The following JCAD variants were observed in gnomAD, a reference collection of about 807,000 sequenced individuals.
The protein encoded by JCAD is junctional cadherin 5-associated protein.
JCAD carries 40 observed loss-of-function variants against 98.0 expected under a neutral mutation model. The ratio of observed to expected loss-of-function variants is 0.41; its 90% CI spans 0.32 to 0.53. The LOEUF is 0.53. Ranked by LOEUF, JCAD falls within the 20% of genes least tolerant of loss-of-function variation. The pLI, the probability that JCAD is intolerant of heterozygous loss-of-function variation, is 0.31. For missense variants in JCAD, 1,705 were observed against 1,738.1 expected, an observed-to-expected ratio of 0.98 and a Z score of 0.34; for synonymous variants, 691 against 682.3, an observed-to-expected ratio of 1.01 and a Z score of -0.20.
rs201309511 is a variant in JCAD, at chr10:30,084,027, A to AAG, written n.129-14208_129-14207dup. On this transcript the variant is annotated intron_variant and non_coding_transcript_variant, in intron 1 of 2. Transcript: ENST00000465712. ...ACAGAGTGAATGAAAAAAAGAAAGA[A>AAG]AGAGAGAGAGAGAGAAAGGGAGAAA... Among the ~76,000 whole-genome samples, 650 of 151,344 alleles carry AAG rather than the reference A, an allele frequency of 4.3e-3. 4 individuals are homozygous for AAG. The highest frequency in any genetic ancestry group is 0.015 in the African/African-American group (616 of 41,268).
intron 3 of JCAD, among the ~76,000 whole-genome samples, chr10:30,020,140 G>A (rs539491715): frequency 1.3e-5 from 2 of 151,680 alleles, no homozygotes; most frequent in African/African-American, 4.8e-5. Flanking sequence ...CAGCCTGGCC[G>A]ACATGGCGAA....
In JCAD at chr10:30,028,499, C is replaced by G; in HGVS notation, c.1649G>C (p.Ser550Thr). ...QVSSPYSQGE[S>T]TCETQTKLKK... The stretch of plus-strand genomic sequence containing the variant: ...GAGCTTGGTTTGAGTTTCGCAGGTG[C>G]TCTCGCCCTGTGAGTAAGGGGAGGA... The change falls in exon 3 of 4, where the codon AGC becomes ACC. Residue 550 changes from serine to threonine, a missense_variant. Ser to Thr is a moderately conservative substitution (Grantham distance 58). This residue lies in a region of JCAD where 1,278 missense variants were observed against 1,243.1 expected (regional missense o/e 1.03). Coordinates refer to ENST00000375377, the MANE Select transcript of JCAD (RefSeq NM_020848.4). 1 of 1,614,232 alleles carries G rather than the reference C, an allele frequency of 6.2e-7. No homozygotes were observed. The highest frequency in any genetic ancestry group is 8.5e-7 in the Non-Finnish European group (1 of 1,180,040).
chr10:30,035,630 T>C (rs974546656), intron 2 of JCAD, among the ~76,000 whole-genome samples: 1 of 152,238 alleles, frequency 6.6e-6, no homozygotes, highest in African/African-American at 2.4e-5. Flanking sequence ...AAGCCAAAAA[T>C]ATATTTTCTG....
At chr10:30,030,812 A>C (rs1836974677) in intron 2 of JCAD, among the ~76,000 whole-genome samples, 1 of 151,874 alleles carries the variant, frequency 6.6e-6, no homozygotes, top group South Asian at 2.1e-4. Context: ...CCCTGACTGC[A>C]CATTAGAATC....
Position 30,017,071 on chromosome 10 carries a change from C to T in JCAD, c.*812G>A, listed in dbSNP as rs963730586. 6.6e-6 allele frequency: 1 copy of T among 151,932 alleles called. No homozygotes were observed. Among genetic ancestry groups the T allele is most frequent in the Non-Finnish European group, 1.5e-5 (1 of 67,990 alleles). The allele number at this position is 151,932 out of a possible 1,614,324, so 9.4% of individuals were successfully genotyped here. On this transcript the variant is annotated 3_prime_UTR_variant, in exon 4 of 4. Transcript: ENST00000375377. The stretch of plus-strand genomic sequence containing the variant: ...TTACATCATAGAAAAATAGCATTTT[C>T]GTAAAAAGAAATATAGTCACTTTGT...
At chr10:30,021,301 T>C (rs1836655749) in intron 3 of JCAD, among the ~76,000 whole-genome samples, 1 of 152,232 alleles carries the variant, frequency 6.6e-6, no homozygotes, top group African/African-American at 2.4e-5. Context: ...TGGACTGAAG[T>C]GATCCTCCTC....
chr10:30,060,124 C>T (rs550817523), upstream of JCAD, among the ~76,000 whole-genome samples: 1 of 152,118 alleles, frequency 6.6e-6, no homozygotes, highest in Non-Finnish European at 1.5e-5. Context: ...CACACACACA[C>T]ACACACACAA....
rs1564440722 is a variant in JCAD at position 30,026,139 on chromosome 10, T to C, written c.4009A>G (p.Lys1337Glu). 6.2e-7 allele frequency: 1 copy of C among 1,614,206 alleles called. No individual in the cohort carries two copies. Among genetic ancestry groups the C allele is most frequent in the Non-Finnish European group, 8.5e-7 (1 of 1,180,034 alleles). ...AAGTCTTGATCCATGCTCTTCTCCT[T>C]TTGTGCTGCCGGATGCTCCTTCTCT... is the stretch of plus-strand genomic sequence containing the variant. ...REEKEHPAAQ[K>E]EKSMDQDFWC... Residue 1337 changes from lysine to glutamate, a missense_variant, in exon 3 of 4, where the codon AAG (lysine) becomes GAG (glutamate). This residue lies in a region of JCAD where 1,278 missense variants were observed against 1,243.1 expected (regional missense o/e 1.03). Transcript: ENST00000375377.
intron 3 of JCAD, among the ~76,000 whole-genome samples, chr10:30,021,724 C>T (rs1277628368): frequency 2.0e-5 from 3 of 152,052 alleles, no homozygotes; most frequent in Admixed American, 6.6e-5. Flanking sequence ...TTTCAAGTGC[C>T]CAGTAGCTGT....
At chr10:30,054,900 A>C (rs1026993224) in intron 1 of JCAD, among the ~76,000 whole-genome samples, 1 of 152,000 alleles carries the variant, frequency 6.6e-6, no homozygotes, top group Non-Finnish European at 1.5e-5. Flanking sequence ...CGATCTCCTG[A>C]CCTCGTGATC....
At chr10:30,067,113 T>A (rs988099670) in intron 2 of JCAD, among the ~76,000 whole-genome samples, 7 of 151,014 alleles carry the variant, frequency 4.6e-5, no homozygotes, top group Admixed American at 1.3e-4. Flanking sequence ...AAAGCTACAG[T>A]GAGCCATGAT....
In JCAD at chr10:30,026,292, C is replaced by T. The variant is rs374337415; in HGVS notation, c.3856G>A (p.Glu1286Lys). 24 of 1,613,844 alleles carry T rather than the reference C, an allele frequency of 1.5e-5. No homozygotes were observed. The highest frequency in any genetic ancestry group is 2.7e-5 in the African/African-American group (2 of 74,936). ...CCCCTTGTGGTGGCCTTCAATTCCTCGGCGTCCTCCTGGGAGTCGGCATTC... is the reference window on the plus strand; with the variant it reads ...CCCCTTGTGGTGGCCTTCAATTCCTTGGCGTCCTCCTGGGAGTCGGCATTC... The part of the protein sequence containing the change: ...FRNADSQEDA[E>K]ELKATTRGQA... Residue 1286 changes from glutamate (E) to lysine (K), a missense_variant, in exon 3 of 4, where the codon GAG becomes AAG. Coordinates refer to ENST00000375377, the MANE Select transcript of JCAD (RefSeq NM_020848.4).
Position 30,027,844 on chromosome 10 carries a change from G to A in JCAD, c.2304C>T (p.Ser768=), listed in dbSNP as rs200938429. ...PSSNSAFSRT[S]LSVDQAPTPK... is the part of the protein sequence containing the mutation. ...GCGTCGGTGCCTGGTCCACGGACAA[G>A]GAAGTCCTTGAGAACGCACTGTTGC... The change falls in exon 3 of 4, where the codon TCC becomes TCT. Residue 768 remains serine (S), a synonymous_variant. Coordinates refer to ENST00000375377, the MANE Select transcript of JCAD (RefSeq NM_020848.4). The A allele has an allele frequency of 4.5e-5, 72 of 1,614,162 alleles. No homozygotes were observed. The highest frequency in any genetic ancestry group is 5.8e-5 in the Non-Finnish European group (69 of 1,180,060).
chr10:30,054,335 T>G (rs1226727807), intron 1 of JCAD, among the ~76,000 whole-genome samples: 1 of 152,196 alleles, frequency 6.6e-6, no homozygotes, highest in Non-Finnish European at 1.5e-5. Flanking sequence ...TATACTTTAC[T>G]GAATCTTATG....
intron 1 of JCAD, among the ~76,000 whole-genome samples, chr10:30,074,319 A>G (rs1837943805): frequency 1.3e-5 from 2 of 152,154 alleles, no homozygotes; most frequent in African/African-American, 4.8e-5. Context: ...ACCATATTAT[A>G]AACTCACTGA....
chr10:30,057,739 A>G (rs1417805357), intron 1 of JCAD, among the ~76,000 whole-genome samples: 1 of 152,230 alleles, frequency 6.6e-6, no homozygotes, highest in Admixed American at 6.5e-5. Flanking sequence ...AGGCGGAGTA[A>G]CAGTTTCTTA....
chr10:30,058,534 A>C (rs1837628806), intron 1 of JCAD, among the ~76,000 whole-genome samples: 1 of 152,222 alleles, frequency 6.6e-6, no homozygotes, highest in African/African-American at 2.4e-5. Flanking sequence ...GTGAAATCAC[A>C]GCTTCTTTAC....
chr10:30,017,812 G>T lies in JCAD; in HGVS notation c.*71C>A. ...AGCTTCTACATGGGGAAGTGGGGCTGATAGACTAAATCTACCAGCTACTTG... is the reference window on the plus strand; with the variant it reads ...AGCTTCTACATGGGGAAGTGGGGCTTATAGACTAAATCTACCAGCTACTTG... On this transcript the variant is annotated 3_prime_UTR_variant, in exon 4 of 4. Coordinates refer to ENST00000375377, the MANE Select transcript of JCAD (RefSeq NM_020848.4). The T allele has an allele frequency of 7.1e-7, 1 of 1,403,738 alleles. No individual in the cohort carries two copies. The highest frequency in any genetic ancestry group is 1.0e-6 in the Non-Finnish European group (1 of 988,244). The allele number at this position is 1,403,738 out of a possible 1,614,324, so 87.0% of individuals were successfully genotyped here.
chr10:30,074,145 C>T (rs57213441), intron 1 of JCAD, among the ~76,000 whole-genome samples: 1,649 of 152,124 alleles, frequency 0.011, 33 homozygotes, highest in African/African-American at 0.037. Context: ...ACAGTAAATT[C>T]GGAGTATTCT....
Sources: gnomAD v4.1 joint callset for allele counts (sites outside exome capture counted in the v4.1 genomes callset) on GRCh38, gnomAD v4.1.1 for gene constraint, gnomAD v4.1.1 regional missense constraint, MANE v1.5 for transcripts, NCBI Gene and HGNC (gene_info 2026-07-23, HGNC 2026-07-21) for gene names.